Variants in SCEL observed in about 807,000 individuals in gnomAD.
SCEL encodes the protein sciellin.
In SCEL, 113 loss-of-function variants were observed where a neutral mutation model predicts 117.6. The ratio of observed to expected loss-of-function variants is 0.96; its 90% confidence interval spans 0.83 to 1.12. The LOEUF (loss-of-function observed/expected upper bound fraction) is 1.12. Ranked by LOEUF, SCEL falls within the 50% of genes most tolerant of loss-of-function variation. SCEL has a pLI of 0.00. For synonymous variants in SCEL, 270 were observed against 256.2 expected, an observed-to-expected ratio of 1.05 and a Z score of -0.51; for missense variants, 785 against 810.8, an observed-to-expected ratio of 0.97 and a Z score of 0.39.
At chr13:77,558,279 T>C (rs2084771755) in intron 3 of SCEL, among the ~76,000 whole-genome samples, 1 of 152,096 alleles carries the variant, frequency 6.6e-6, no homozygotes, top group Non-Finnish European at 1.5e-5. Flanking sequence ...GAAGGGAAAA[T>C]TGGCTTTGAT....
intron 27 of SCEL, among the ~76,000 whole-genome samples, chr13:77,626,768 A>G (rs1233420453): frequency 6.6e-6 from 1 of 152,138 alleles, no homozygotes; most frequent in Admixed American, 6.5e-5. Context: ...TCTTTTCTTC[A>G]TAAATTACCT....
In SCEL at chr13:77,604,349, T is replaced by G; in HGVS notation, c.1098-7T>G. On this transcript the variant is annotated splice_region_variant and splice_polypyrimidine_tract_variant and intron_variant, in intron 18 of 32. Transcript: ENST00000349847. Reference sequence around the variant, plus strand: ...TCATTCATTAAAATTAATTTCCTTTTTCAAAGAAAAAAAGACCTTGATGGG... The same window carrying G: ...TCATTCATTAAAATTAATTTCCTTTGTCAAAGAAAAAAAGACCTTGATGGG... 6.5e-7 allele frequency: 1 copy of G among 1,536,142 alleles called. No homozygotes were observed. The highest frequency in any genetic ancestry group is 8.8e-7 in the Non-Finnish European group (1 of 1,137,042).
intron 27 of SCEL, among the ~76,000 whole-genome samples, chr13:77,623,716 C>G (rs1002114683): frequency 6.6e-6 from 1 of 152,124 alleles, no homozygotes; most frequent in South Asian, 2.1e-4. Flanking sequence ...TTCTTTCTCC[C>G]CCTCATGAAA....
intron 1 of SCEL, among the ~76,000 whole-genome samples, chr13:77,549,999 C>A (rs2084212538): frequency 6.7e-6 from 1 of 149,672 alleles, no homozygotes; most frequent in African/African-American, 2.4e-5. Flanking sequence ...ATGGCCTGGC[C>A]TGCTGCCAGT....
At chr13:77,586,251 G>C (rs942804139) in intron 9 of SCEL, among the ~76,000 whole-genome samples, 5 of 152,080 alleles carry the variant, frequency 3.3e-5, no homozygotes, top group African/African-American at 9.7e-5. Context: ...CGATGATCTT[G>C]TTCTTCCCAC....
intron 8 of SCEL, among the ~76,000 whole-genome samples, chr13:77,571,724 T>G (rs1044200336): frequency 6.6e-6 from 1 of 150,490 alleles, no homozygotes; most frequent in Non-Finnish European, 1.5e-5. Context: ...TATATATATA[T>G]ATATATAGAG....
chr13:77,540,926 G>C (rs1279449107), intron 1 of SCEL, among the ~76,000 whole-genome samples: 1 of 152,194 alleles, frequency 6.6e-6, no homozygotes, highest in African/African-American at 2.4e-5. Flanking sequence ...AGGAGATTAT[G>C]GTAGTTTGAA....
At chr13:77,559,644 A>T (rs1479851259) in intron 3 of SCEL, among the ~76,000 whole-genome samples, 160 bp from the exon 4 acceptor site, 2 of 152,212 alleles carry the variant, frequency 1.3e-5, no homozygotes, top group African/African-American at 4.8e-5. Context: ...TCAAGTGGTG[A>T]CTGGTTAAAA....
intron 1 of SCEL, among the ~76,000 whole-genome samples, chr13:77,553,976 C>T (rs368559237): frequency 2.6e-5 from 4 of 152,048 alleles, no homozygotes; most frequent in South Asian, 4.1e-4. Flanking sequence ...CAAACAGCTG[C>T]GGGTCCCTGT....
chr13:77,555,154 C>A (rs1421007980), intron 1 of SCEL, among the ~76,000 whole-genome samples: 2 of 151,780 alleles, frequency 1.3e-5, no homozygotes, highest in Admixed American at 6.6e-5. Context: ...AAGAAGGGAC[C>A]CTGAAGGCAA....
intron 24 of SCEL, among the ~76,000 whole-genome samples, chr13:77,614,551 T>A (rs1158427783): frequency 2.0e-5 from 3 of 152,176 alleles, no homozygotes; most frequent in African/African-American, 7.2e-5. Context: ...TACACATTAC[T>A]GTTTTATATA....
intron 27 of SCEL, among the ~76,000 whole-genome samples, chr13:77,626,081 AAG>A (rs1189763284): frequency 6.6e-6 from 1 of 152,196 alleles, no homozygotes; most frequent in Non-Finnish European, 1.5e-5. Flanking sequence ...TATAAATAAA[AAG>A]AGGTTTAATG....
At chr13:77,602,529 A>T (rs1000429972) in intron 16 of SCEL, 125 bp from the exon 17 acceptor site, 11 of 735,048 alleles carry the variant, frequency 1.5e-5, no homozygotes, top group Non-Finnish European at 2.6e-5. Context: ...ATTACATCAA[A>T]GCTCTTTTTG....
rs1205776881 is a variant in SCEL, at chr13:77,599,340, T to C, written c.809T>C (p.Leu270Pro). Residue 270 changes from leucine to proline, a missense_variant, in exon 14 of 33, where the codon CTT becomes CCT. Leu to Pro is a moderately conservative substitution (Grantham distance 98). Transcript: ENST00000349847. ...CAATACATTTAAAGGAATCAAGGTC[T>C]TGATAGTCTCTTCAGAGCAAATCCA... ...MNKSLNRNQG[L>P]DSLFRANPKV... 1.9e-6 allele frequency: 3 copies of C among 1,611,870 alleles called. No homozygotes were observed. The African/African-American group carries it at 4.0e-5, about 22-fold the overall frequency.
intron 28 of SCEL, among the ~76,000 whole-genome samples, chr13:77,633,351 G>A (rs1482629807): frequency 6.7e-6 from 1 of 148,218 alleles, no homozygotes; most frequent in Admixed American, 6.7e-5. Context: ...CAGGAGAATG[G>A]CGTGAACCCG....
intron 1 of SCEL, among the ~76,000 whole-genome samples, chr13:77,551,142 G>A (rs2084296921): frequency 6.6e-6 from 1 of 152,206 alleles, no homozygotes; most frequent in Non-Finnish European, 1.5e-5. Flanking sequence ...TTAACACCTT[G>A]GACATGTTGC....
Position 77,567,711 on chromosome 13 carries a change from T to C in SCEL, c.322T>C (p.Tyr108His), listed in dbSNP as rs764756556. 2.5e-6 allele frequency: 4 copies of C among 1,608,972 alleles called. No individual in the cohort carries two copies. In the Admixed American group the frequency reaches 6.8e-5, roughly 27 times the overall value. Residue 108 changes from tyrosine (Y) to histidine (H), a missense_variant, in exon 6 of 33, where the codon TAT becomes CAT. Physicochemically the swap from Tyr to His is moderately conservative, Grantham distance 83. Coordinates refer to ENST00000349847, the MANE Select transcript of SCEL (RefSeq NM_144777.3). The stretch of plus-strand genomic sequence containing the variant: ...AGACAGAAATGATGCTGCTAAAACA[T>C]ATAAGGCCAATACCTTGGATAACCA... ...ISDRNDAAKT[Y>H]KANTLDNQLT...
intron 27 of SCEL, among the ~76,000 whole-genome samples, chr13:77,620,894 A>C (rs2089373921): frequency 6.6e-6 from 1 of 152,176 alleles, no homozygotes; most frequent in Non-Finnish European, 1.5e-5. Flanking sequence ...TTAGTATTCC[A>C]AAAAGAGAAG....
chr13:77,572,378 A>G (rs2085689866), intron 9 of SCEL, among the ~76,000 whole-genome samples, 189 bp downstream of exon 9: 1 of 152,210 alleles, frequency 6.6e-6, no homozygotes, highest in Non-Finnish European at 1.5e-5. Flanking sequence ...GACATCTGAC[A>G]AACTGCTAGG....
Sources: allele counts gnomAD v4.1 joint callset (sites outside exome capture counted in the v4.1 genomes callset), GRCh38; gene constraint gnomAD v4.1.1; transcripts MANE v1.5; gene names NCBI Gene and HGNC (gene_info 2026-07-23, HGNC 2026-07-21).